Variants in SLC26A7 observed in about 807,000 individuals in gnomAD.
SLC26A7 encodes the protein solute carrier family 26 member 7.
SLC26A7 carries 59 observed loss-of-function variants against 82.5 expected under a neutral mutation model. The ratio of observed to expected loss-of-function variants is 0.72; its 90% CI spans 0.58 to 0.89. SLC26A7 has a LOEUF of 0.89. Among genes scored for constraint, SLC26A7 ranks in the 40% least tolerant of loss-of-function variants. SLC26A7 has a pLI of 0.00. For synonymous variants in SLC26A7, 271 were observed against 274.3 expected (o/e 0.99, Z 0.12); for missense variants, 820 against 793.0 (o/e 1.03, Z -0.41).
At chr8:91,389,082 T>C (rs1814881773) in intron 15 of SLC26A7, among the ~76,000 whole-genome samples, 1 of 152,224 alleles carries the variant, frequency 6.6e-6, no homozygotes, top group African/African-American at 2.4e-5. Context: ...TGTCCATGTA[T>C]GAAATGATAC....
intron 1 of SLC26A7, among the ~76,000 whole-genome samples, chr8:91,214,799 G>C (rs1167559995): frequency 6.6e-6 from 1 of 151,752 alleles, no homozygotes; most frequent in Non-Finnish European, 1.5e-5. Context: ...TTGGTGACTT[G>C]ACAGAAATTT....
At chr8:91,346,673 T>C (rs933944275) in intron 9 of SLC26A7, among the ~76,000 whole-genome samples, 3 of 152,152 alleles carry the variant, frequency 2.0e-5, no homozygotes, top group Non-Finnish European at 4.4e-5. Flanking sequence ...AAAATGCAAA[T>C]GTGGTCATGT....
At chr8:91,362,981 T>A (rs1185229545) in intron 12 of SLC26A7, among the ~76,000 whole-genome samples, 1 of 152,082 alleles carries the variant, frequency 6.6e-6, no homozygotes, top group East Asian at 1.9e-4. Context: ...TACAAAGTAT[T>A]CTTGTGGGAA....
At chr8:91,305,889 A>G (rs1014356307) in intron 4 of SLC26A7, among the ~76,000 whole-genome samples, 4 of 152,022 alleles carry the variant, frequency 2.6e-5, no homozygotes, top group Admixed American at 6.6e-5. Context: ...AACACTTTAA[A>G]TGGCCATTCT....
At chr8:91,262,885 T>C (rs1811007444) in intron 2 of SLC26A7, among the ~76,000 whole-genome samples, 1 of 152,064 alleles carries the variant, frequency 6.6e-6, no homozygotes, top group East Asian at 1.9e-4. Context: ...CAATTATTAA[T>C]ATAAAATCAA....
intron 2 of SLC26A7, among the ~76,000 whole-genome samples, chr8:91,221,767 A>T (rs1810163793): frequency 6.6e-6 from 1 of 152,174 alleles, no homozygotes; most frequent in African/African-American, 2.4e-5. Context: ...TGTTTTGATT[A>T]CTGTGTCCTT....
At chr8:91,346,074 G>T (rs758112247) in intron 9 of SLC26A7, among the ~76,000 whole-genome samples, 4 of 151,914 alleles carry the variant, frequency 2.6e-5, no homozygotes, top group Non-Finnish European at 4.4e-5. Flanking sequence ...TTTTTTTTCT[G>T]CATGGTATTC....
At chr8:91,354,285 A>G (rs1050900772) in intron 11 of SLC26A7, among the ~76,000 whole-genome samples, 3 of 152,128 alleles carry the variant, frequency 2.0e-5, no homozygotes, top group African/African-American at 7.2e-5. Context: ...TAAGATTTCT[A>G]TTAGGAAGTT....
intron 5 of SLC26A7, among the ~76,000 whole-genome samples, chr8:91,319,115 G>A (rs1453462696): frequency 5.9e-5 from 9 of 151,936 alleles, no homozygotes; most frequent in Admixed American, 3.9e-4. Flanking sequence ...TTAATGGCTC[G>A]AAGTAACTCA....
intron 4 of SLC26A7, among the ~76,000 whole-genome samples, chr8:91,297,590 T>A (rs1022816810): frequency 6.6e-6 from 1 of 152,166 alleles, no homozygotes; most frequent in Non-Finnish European, 1.5e-5. Context: ...CTTTTCTTCC[T>A]CTTTAGCTCT....
At chr8:91,372,631 T>C (rs910493172) in intron 15 of SLC26A7, among the ~76,000 whole-genome samples, 1 of 152,078 alleles carries the variant, frequency 6.6e-6, no homozygotes, top group Non-Finnish European at 1.5e-5. Flanking sequence ...TTGGTTACTA[T>C]AGCCTTGAAG....
intron 12 of SLC26A7, 103 bp downstream of exon 12, chr8:91,362,562 A>G (rs1814079623): frequency 2.6e-6 from 2 of 769,402 alleles, no homozygotes; most frequent in Non-Finnish European, 4.3e-6. Flanking sequence ...TCTGTAACAT[A>G]TAGTACTACA....
At chr8:91,299,350 T>C (rs891427969) in intron 4 of SLC26A7, among the ~76,000 whole-genome samples, 14 of 152,228 alleles carry the variant, frequency 9.2e-5, no homozygotes, top group African/African-American at 3.1e-4. Flanking sequence ...TTTTGAGTCA[T>C]TGTTAGCTTT....
chr8:91,382,809 C>A (rs1271161208), intron 15 of SLC26A7, among the ~76,000 whole-genome samples: 1 of 152,130 alleles, frequency 6.6e-6, no homozygotes, highest in Non-Finnish European at 1.5e-5. Flanking sequence ...GTTTGTATAG[C>A]AATTCACAGG....
chr8:91,327,134 G>A (rs1391879781), intron 5 of SLC26A7, among the ~76,000 whole-genome samples: 1 of 152,152 alleles, frequency 6.6e-6, no homozygotes, highest in Non-Finnish European at 1.5e-5. Flanking sequence ...AGGGGAGATA[G>A]GGGACTACAA....
intron 5 of SLC26A7, among the ~76,000 whole-genome samples, chr8:91,331,188 G>T (rs953021091): frequency 2.6e-5 from 4 of 152,036 alleles, no homozygotes; most frequent in Admixed American, 1.3e-4. Context: ...AGGCACTGGG[G>T]GTTAGGACTT....
intron 4 of SLC26A7, among the ~76,000 whole-genome samples, chr8:91,307,880 G>T (rs1390329647): frequency 3.3e-5 from 5 of 150,354 alleles, no homozygotes. Context: ...AAATTTTTTT[G>T]TAGAAATGGG....
chr8:91,385,496 A>G (rs1814776139), intron 15 of SLC26A7, among the ~76,000 whole-genome samples: 1 of 152,242 alleles, frequency 6.6e-6, no homozygotes, highest in Admixed American at 6.5e-5. Context: ...CTCATTTAGA[A>G]GAAAATCATG....
chr8:91,362,415 T>G lies in SLC26A7; in HGVS notation c.1377T>G (p.Phe459Leu). ...TTGCTGCCAATGTGGGACTGCTGTT[T>G]GGTGTTGTTTGTACCATAGCTATAG... ...ICFAANVGLL[F>L]GVVCTIAIVI... Residue 459 changes from phenylalanine (F) to leucine (L), a missense_variant, in exon 12 of 19, where the codon TTT becomes TTG. Transcript: ENST00000276609. The G allele has an allele frequency of 2.5e-6, 4 of 1,613,440 alleles. No homozygotes were observed. Among genetic ancestry groups the G allele is most frequent in the Non-Finnish European group, 3.4e-6 (4 of 1,179,458 alleles).
Sources: allele counts gnomAD v4.1 joint callset (sites outside exome capture counted in the v4.1 genomes callset), GRCh38; gene constraint gnomAD v4.1.1; transcripts MANE v1.5; gene names NCBI Gene and HGNC (gene_info 2026-07-23, HGNC 2026-07-21).